The following LRRTM4 variants were observed in gnomAD, a reference collection of about 807,000 sequenced individuals.
LRRTM4 encodes the protein leucine rich repeat transmembrane neuronal 4.
Under a neutral mutation model 47.6 loss-of-function variants are expected in LRRTM4, and 25 were observed. The ratio of observed to expected loss-of-function variants is 0.53; its 90% CI spans 0.38 to 0.73. LRRTM4 has a LOEUF of 0.73. Ranked by LOEUF, LRRTM4 falls within the 30% of genes least tolerant of loss-of-function variation. The probability of loss-of-function intolerance (pLI) is 0.00; values close to 1 mark genes in which losing one functional copy is unlikely to be tolerated. For missense variants in LRRTM4, 638 were observed against 713.4 expected (o/e 0.89, Z 1.20); for synonymous variants, 311 against 269.5 (o/e 1.15, Z -1.51).
intron 3 of LRRTM4, among the ~76,000 whole-genome samples, chr2:77,370,762 G>C (rs1672627820): frequency 6.6e-6 from 1 of 151,668 alleles, no homozygotes; most frequent in African/African-American, 2.4e-5. Flanking sequence ...AAGTGCTCTT[G>C]TCGTGTCAGA....
chr2:76,841,932 T>C (rs1202501634), intron 3 of LRRTM4, among the ~76,000 whole-genome samples: 1 of 152,186 alleles, frequency 6.6e-6, no homozygotes, highest in African/African-American at 2.4e-5. Flanking sequence ...ACACATGCGC[T>C]GCTCATAGAA....
At chr2:77,335,319 C>G (rs72915939) in intron 3 of LRRTM4, among the ~76,000 whole-genome samples, 1 of 152,156 alleles carries the variant, frequency 6.6e-6, no homozygotes, top group Non-Finnish European at 1.5e-5. Flanking sequence ...TTTATGACCT[C>G]TATTTCACCT....
intron 3 of LRRTM4, among the ~76,000 whole-genome samples, chr2:76,773,859 G>T (rs894420657): frequency 1.3e-5 from 2 of 151,004 alleles, no homozygotes; most frequent in Non-Finnish European, 2.9e-5. Flanking sequence ...GCAGAGGTTT[G>T]ATCCTGGAAT....
At position 77,521,699 on chromosome 2, in the gene LRRTM4, C is replaced by G. The variant is rs913848542; in HGVS notation, c.-28G>C. The G allele has an allele frequency of 1.2e-6, 2 of 1,611,972 alleles. No individual in the cohort carries two copies. The highest frequency in any genetic ancestry group is 1.3e-5 in the African/African-American group (1 of 74,718). ...TTTGTCATCCAAAAACGTTTCCCCC[C>G]TCTCTCAGCTTTCTTCTTATTTGGT... On this transcript the variant is annotated 5_prime_UTR_variant, in exon 2 of 4. Transcript: ENST00000409884.
At chr2:76,935,156 T>G (rs1004709934) in intron 3 of LRRTM4, among the ~76,000 whole-genome samples, 1 of 152,108 alleles carries the variant, frequency 6.6e-6, no homozygotes, top group Non-Finnish European at 1.5e-5. Flanking sequence ...CATTGTGTAG[T>G]GTAAGTAATG....
At chr2:77,162,855 C>A (rs1021411407) in intron 3 of LRRTM4, among the ~76,000 whole-genome samples, 1 of 152,114 alleles carries the variant, frequency 6.6e-6, no homozygotes, top group Non-Finnish European at 1.5e-5. Flanking sequence ...GTAGATTAAA[C>A]CACAAAGATG....
intron 3 of LRRTM4, among the ~76,000 whole-genome samples, chr2:76,984,561 C>T (rs1573403923): frequency 2.0e-5 from 3 of 152,038 alleles, no homozygotes; most frequent in East Asian, 2.0e-4. Flanking sequence ...GCAGGCTCTC[C>T]GCAGCATCCT....
chr2:76,792,958 T>G (rs1675055114), intron 3 of LRRTM4, among the ~76,000 whole-genome samples: 1 of 152,184 alleles, frequency 6.6e-6, no homozygotes, highest in Admixed American at 6.5e-5. Flanking sequence ...GTGAATCCTG[T>G]CTCTGTTACT....
At chr2:76,771,271 G>C (rs901984847) in intron 3 of LRRTM4, among the ~76,000 whole-genome samples, 4 of 152,186 alleles carry the variant, frequency 2.6e-5, no homozygotes, top group Non-Finnish European at 5.9e-5. Flanking sequence ...CAGCTCTTCG[G>C]AAACAGTATC....
intron 3 of LRRTM4, among the ~76,000 whole-genome samples, chr2:76,765,222 C>T (rs1423907416): frequency 1.3e-5 from 2 of 152,088 alleles, no homozygotes; most frequent in Non-Finnish European, 2.9e-5. Context: ...TTTGGAAGCA[C>T]GTAATTTGTG....
chr2:77,038,481 G>A (rs147377329), intron 3 of LRRTM4, among the ~76,000 whole-genome samples: 3 of 151,518 alleles, frequency 2.0e-5, no homozygotes, highest in Non-Finnish European at 4.4e-5. Flanking sequence ...ACTGTTCAGA[G>A]TCTATGAAGT....
chr2:77,380,455 A>C (rs1158099205), intron 3 of LRRTM4, among the ~76,000 whole-genome samples: 1 of 152,152 alleles, frequency 6.6e-6, no homozygotes, highest in Non-Finnish European at 1.5e-5. Context: ...GATATTAAAC[A>C]CAAGTTTAGT....
At chr2:77,105,801 C>G (rs1296263082) in intron 3 of LRRTM4, among the ~76,000 whole-genome samples, 1 of 152,126 alleles carries the variant, frequency 6.6e-6, no homozygotes, top group Non-Finnish European at 1.5e-5. Context: ...TTTGAAAATT[C>G]TTTAAAATAA....
intron 3 of LRRTM4, among the ~76,000 whole-genome samples, chr2:77,149,746 T>C (rs956725202): frequency 6.6e-6 from 1 of 152,140 alleles, no homozygotes; most frequent in East Asian, 1.9e-4. Flanking sequence ...ATAGATTCAT[T>C]AGGGGCTGCG....
chr2:77,477,793 C>A (rs551649412), intron 3 of LRRTM4, among the ~76,000 whole-genome samples: 1 of 144,366 alleles, frequency 6.9e-6, no homozygotes, highest in Non-Finnish European at 1.5e-5. Context: ...GAGCCCAGAT[C>A]GCACCATCAC....
At chr2:76,790,650 G>T (rs10204006) in intron 3 of LRRTM4, among the ~76,000 whole-genome samples, 2,829 of 152,136 alleles carry the variant, frequency 0.019, 106 homozygotes, top group African/African-American at 0.064. Context: ...TAGCATTAGA[G>T]CATCTGAATT....
chr2:77,216,805 GC>G (rs1674455558), intron 3 of LRRTM4, among the ~76,000 whole-genome samples: 2 of 151,772 alleles, frequency 1.3e-5, no homozygotes, highest in Non-Finnish European at 2.9e-5. Flanking sequence ...GGGCGCGGTG[GC>G]TCATGCCTGT....
At chr2:76,778,527 G>C (rs1287944506) in intron 3 of LRRTM4, among the ~76,000 whole-genome samples, 3 of 150,948 alleles carry the variant, frequency 2.0e-5, no homozygotes, top group Non-Finnish European at 4.4e-5. Context: ...ATTTCTTGTA[G>C]ATTTTCTAGT....
At chr2:77,244,606 T>C (rs1219885272) in intron 3 of LRRTM4, among the ~76,000 whole-genome samples, 1 of 152,028 alleles carries the variant, frequency 6.6e-6, no homozygotes, top group Non-Finnish European at 1.5e-5. Flanking sequence ...CTGATACTTA[T>C]GTCCTTATGT....
Sources: allele counts gnomAD v4.1 joint callset (sites outside exome capture counted in the v4.1 genomes callset), GRCh38; gene constraint gnomAD v4.1.1; transcripts MANE v1.5; gene names NCBI Gene and HGNC (gene_info 2026-07-23, HGNC 2026-07-21).